Variants in PKHD1L1 observed in about 807,000 individuals in gnomAD.
PKHD1L1 encodes the protein fibrocystin-L.
PKHD1L1 carries 434 observed loss-of-function variants against 462.9 expected under a neutral mutation model. The ratio of observed to expected loss-of-function variants is 0.94; its 90% CI spans 0.87 to 1.02. The LOEUF (loss-of-function observed/expected upper bound fraction) is 1.02, where lower values mean the gene tolerates loss of function less well. Among genes scored for constraint, PKHD1L1 ranks in the 50% least tolerant of loss-of-function variants. PKHD1L1 has a pLI of 0.00. For synonymous variants in PKHD1L1, 1,781 were observed against 1,750.0 expected, an observed-to-expected ratio of 1.02 and a Z score of -0.44; for missense variants, 5,202 against 5,096.1, an observed-to-expected ratio of 1.02 and a Z score of -0.63.
At chr8:109,520,274 T>C (rs1441420054) in intron 73 of PKHD1L1, among the ~76,000 whole-genome samples, 1 of 152,080 alleles carries the variant, frequency 6.6e-6, no homozygotes, top group Non-Finnish European at 1.5e-5. Flanking sequence ...CTTTGCCTGT[T>C]ATTTTAGGAG....
At chr8:109,432,607 C>T (rs574469956) in intron 27 of PKHD1L1, among the ~76,000 whole-genome samples, 16 of 152,224 alleles carry the variant, frequency 1.1e-4, no homozygotes, top group East Asian at 9.7e-4. Context: ...AAGTTTAAGA[C>T]GCTGGAACAC....
chr8:109,480,498 T>G (rs1818222421), intron 55 of PKHD1L1: 1 of 432,576 alleles, frequency 2.3e-6, no homozygotes, highest in Admixed American at 2.8e-5. Context: ...GTTCTTTAAA[T>G]AAAACAAACA....
chr8:109,473,555 T>C (rs1626759), intron 50 of PKHD1L1, among the ~76,000 whole-genome samples: 76,425 of 151,602 alleles, frequency 0.5, 19,545 homozygotes, highest in South Asian at 0.68. Context: ...AGAAAAGAAC[T>C]CAATTCAGTG....
At chr8:109,446,950 G>A (rs756540233) in intron 38 of PKHD1L1, among the ~76,000 whole-genome samples, 12 of 152,146 alleles carry the variant, frequency 7.9e-5, no homozygotes, top group Non-Finnish European at 1.8e-4. Flanking sequence ...CTGTCCAGGT[G>A]CGGTGGCTCA....
At chr8:109,364,470 G>A (rs1811128740) in intron 1 of PKHD1L1, 77 bp from the exon 2 acceptor site, 6 of 927,544 alleles carry the variant, frequency 6.5e-6, no homozygotes, top group African/African-American at 1.7e-5. Context: ...CAACCTTGTG[G>A]TATGTGTTAC....
rs576329123 is a variant in PKHD1L1 at position 109,534,356 on chromosome 8, G to A, written c.*4266G>A. 1.3e-4 allele frequency among the ~76,000 whole-genome samples: 20 copies of A among 152,248 alleles called. No individual in the cohort carries two copies. In the South Asian group the frequency reaches 1.5e-3, roughly 11 times the overall value. On this transcript the variant is annotated 3_prime_UTR_variant, in exon 78 of 78. Coordinates refer to ENST00000378402, the MANE Select transcript of PKHD1L1 (RefSeq NM_177531.6). Reference sequence around the variant, plus strand: ...CGGGCACCTGTAGTCTCAGCTAGTCGGGAGGCTGAGGCAGGAGAATGGTGT... The same window carrying A: ...CGGGCACCTGTAGTCTCAGCTAGTCAGGAGGCTGAGGCAGGAGAATGGTGT...
chr8:109,526,719 G>T, intron 76 of PKHD1L1, 65 bp from the exon 77 acceptor site: 1 of 1,323,220 alleles, frequency 7.6e-7, no homozygotes, highest in South Asian at 1.4e-5. Flanking sequence ...AAAATCAAAT[G>T]GGAACGGTAT....
At chr8:109,388,442 T>C (rs1349083005) in intron 6 of PKHD1L1, 55 bp from the exon 7 acceptor site, 6 of 1,321,098 alleles carry the variant, frequency 4.5e-6, no homozygotes, top group African/African-American at 3.0e-5. Context: ...GAGTGCATTT[T>C]TGAAACAATT....
intron 25 of PKHD1L1, among the ~76,000 whole-genome samples, chr8:109,428,560 A>T (rs1012450255): frequency 4.0e-5 from 6 of 148,316 alleles, no homozygotes; most frequent in African/African-American, 5.3e-5. Flanking sequence ...GGGTTATTTT[A>T]AAAAAAATAC....
chr8:109,497,344 A>C lies in PKHD1L1; in HGVS notation c.10599+72A>C, dbSNP rs79722179. ...GAAGGGTGGAATTTCTGAAGGACTA[A>C]TAAGAATAATCTCCTTAACTTCTAT... is the stretch of plus-strand genomic sequence containing the variant. On this transcript the variant is annotated intron_variant, in intron 65 of 77. Coordinates refer to ENST00000378402, the MANE Select transcript of PKHD1L1 (RefSeq NM_177531.6). The C allele has an allele frequency of 3.8e-3, 5,784 of 1,506,870 alleles. 173 individuals are homozygous for C. The African/African-American group carries it at 0.072, about 19-fold the overall frequency. 93.3% of individuals were successfully genotyped at this position (1,506,870 alleles called of 1,614,324 possible).
chr8:109,512,969 G>A (rs1486992078), intron 71 of PKHD1L1, among the ~76,000 whole-genome samples: 1 of 152,046 alleles, frequency 6.6e-6, no homozygotes, highest in Non-Finnish European at 1.5e-5. Context: ...TTATGAATGG[G>A]AGTTCACTCA....
intron 63 of PKHD1L1, among the ~76,000 whole-genome samples, chr8:109,496,287 TTGTAA>T (rs1156944425): frequency 3.3e-5 from 5 of 152,172 alleles, no homozygotes; most frequent in Non-Finnish European, 5.9e-5. Context: ...GGAATTTTAA[TTGTAA>T]TGTAAAGTGA....
chr8:109,394,139 A>G (rs1334471111), intron 9 of PKHD1L1, among the ~76,000 whole-genome samples: 5 of 138,264 alleles, frequency 3.6e-5, no homozygotes, highest in Admixed American at 8.1e-5. Context: ...GCACCACTGC[A>G]CTCCAGCCTG....
chr8:109,473,757 A>G (rs1350455116), intron 50 of PKHD1L1, among the ~76,000 whole-genome samples: 1 of 152,126 alleles, frequency 6.6e-6, no homozygotes, highest in African/African-American at 2.4e-5. Context: ...CTCTGCTGGA[A>G]GTCTCTGCTT....
intron 75 of PKHD1L1, 41 bp downstream of exon 75, chr8:109,522,931 A>C (rs1820626167): frequency 6.5e-7 from 1 of 1,532,690 alleles, no homozygotes; most frequent in African/African-American, 1.4e-5. Context: ...GAAGGAATTA[A>C]GCTACAAATT....
At chr8:109,404,200 A>G (rs1813411445) in intron 14 of PKHD1L1, among the ~76,000 whole-genome samples, 1 of 152,154 alleles carries the variant, frequency 6.6e-6, no homozygotes, top group African/African-American at 2.4e-5. Context: ...GAACACATTA[A>G]AATATTTAAC....
At chr8:109,462,791 C>T (rs1048981182) in intron 48 of PKHD1L1, among the ~76,000 whole-genome samples, 4 of 152,088 alleles carry the variant, frequency 2.6e-5, no homozygotes, top group Admixed American at 2.0e-4. Flanking sequence ...CCACATGCCT[C>T]GGTCTCCCAA....
chr8:109,491,972 C>T lies in PKHD1L1; in HGVS notation c.10214C>T (p.Thr3405Ile), dbSNP rs899471770. Residue 3405 changes from threonine (T) to isoleucine (I), a missense_variant, in exon 62 of 78, where the codon ACT (threonine) becomes ATT (isoleucine). Around this residue, in one of 3 missense-constraint regions of PKHD1L1, gnomAD observed 4,497 missense variants for 4,336.8 expected, o/e 1.04. Coordinates refer to ENST00000378402, the MANE Select transcript of PKHD1L1 (RefSeq NM_177531.6). The stretch of plus-strand genomic sequence containing the variant: ...CAGAACAGAAAAGATTTAAGTTCAA[C>T]TCTCTGGCATGCAGCAATTGAGGTA... ...TYQNRKDLSS[T>I]LWHAAIEINR... 1 of 1,567,976 alleles carries T rather than the reference C, an allele frequency of 6.4e-7. No homozygotes were observed. The highest frequency in any genetic ancestry group is 8.7e-7 in the Non-Finnish European group (1 of 1,152,772).
rs755728217 is a variant in PKHD1L1 at position 109,440,863 on chromosome 8, C to T, written c.4099+11C>T. The T allele has an allele frequency of 6.2e-7, 1 of 1,609,394 alleles. No individual in the cohort carries two copies. Among genetic ancestry groups the T allele is most frequent in the Non-Finnish European group, 8.5e-7 (1 of 1,177,534 alleles). ...ATACCGTGCTGTTAGGTAAGAGCTTCATTCATAGGAAAGTGATTATCATTT... is the reference window on the plus strand; with the variant it reads ...ATACCGTGCTGTTAGGTAAGAGCTTTATTCATAGGAAAGTGATTATCATTT... On this transcript the variant is annotated intron_variant, in intron 33 of 77. Coordinates refer to ENST00000378402, the MANE Select transcript of PKHD1L1 (RefSeq NM_177531.6).
Sources: gnomAD v4.1 joint callset for allele counts (sites outside exome capture counted in the v4.1 genomes callset) on GRCh38, gnomAD v4.1.1 for gene constraint, gnomAD v4.1.1 regional missense constraint, MANE v1.5 for transcripts, NCBI Gene and HGNC (gene_info 2026-07-23, HGNC 2026-07-21) for gene names.